The following GALNT14 variants were observed in gnomAD, a reference collection of about 807,000 sequenced individuals.
The protein encoded by GALNT14 is UDP-GalNAc:polypeptide N-acetylgalactosaminyltransferase 14.
Under a neutral mutation model 77.5 loss-of-function variants are expected in GALNT14, and 60 were observed. The observed-to-expected ratio is 0.77, with a 90% confidence interval of 0.63 to 0.96. GALNT14 has a LOEUF of 0.96. Ranked by LOEUF, GALNT14 falls within the 40% of genes least tolerant of loss-of-function variation. The pLI, the probability that GALNT14 is intolerant of heterozygous loss-of-function variation, is 0.00. For missense variants in GALNT14, 710 were observed against 731.0 expected, an observed-to-expected ratio of 0.97 and a Z score of 0.33; for synonymous variants, 280 against 281.7, an observed-to-expected ratio of 0.99 and a Z score of 0.06.
At chr2:30,895,739 G>A in the GALNT14 span, among the ~76,000 whole-genome samples, 1 of 151,970 alleles carries the variant, frequency 6.6e-6, no homozygotes, top group Non-Finnish European at 1.5e-5. Flanking sequence ...CAACCTCTGG[G>A]ATAGCAGCGA....
intron 1 of GALNT14, among the ~76,000 whole-genome samples, chr2:31,021,989 T>C (rs1671749313): frequency 6.6e-6 from 1 of 152,204 alleles, no homozygotes; most frequent in Non-Finnish European, 1.5e-5. Flanking sequence ...AGGAGGTAAG[T>C]TGTGTATGCA....
At chr2:31,115,805 C>A (rs371095677) in intron 1 of GALNT14, among the ~76,000 whole-genome samples, 7 of 152,100 alleles carry the variant, frequency 4.6e-5, no homozygotes, top group East Asian at 3.8e-4. Flanking sequence ...GCCTGTGAGG[C>A]AGGAGGATCA....
chr2:31,129,258 G>T, intron 1 of GALNT14: 1 of 543,480 alleles, frequency 1.8e-6, no homozygotes, highest in Non-Finnish European at 2.3e-6. Context: ...CAGAAAACGA[G>T]AATAATAATA....
chr2:30,962,047 C>T (rs537184406), intron 3 of GALNT14, among the ~76,000 whole-genome samples: 7 of 152,108 alleles, frequency 4.6e-5, no homozygotes, highest in African/African-American at 7.2e-5. Flanking sequence ...ATAAGCCCTC[C>T]GGGAGCTTCT....
At chr2:31,120,618 A>G (rs962805319) in intron 1 of GALNT14, among the ~76,000 whole-genome samples, 3 of 152,070 alleles carry the variant, frequency 2.0e-5, no homozygotes, top group African/African-American at 7.2e-5. Context: ...GTGCAGTGCC[A>G]CGATCTTGGC....
At chr2:31,004,736 T>G (rs1246269201) in intron 1 of GALNT14, among the ~76,000 whole-genome samples, 1 of 152,040 alleles carries the variant, frequency 6.6e-6, no homozygotes, top group Non-Finnish European at 1.5e-5. Context: ...AAAATAAGAT[T>G]TGGATTTATC....
chr2:30,907,117 A>G (rs1664164187), downstream of GALNT14, among the ~76,000 whole-genome samples: 1 of 152,242 alleles, frequency 6.6e-6, no homozygotes, highest in Non-Finnish European at 1.5e-5. Context: ...GGAAAGATCC[A>G]AAATTGACAC....
At chr2:30,994,126 G>A (rs1337342501) in intron 1 of GALNT14, among the ~76,000 whole-genome samples, 1 of 152,234 alleles carries the variant, frequency 6.6e-6, no homozygotes, top group Non-Finnish European at 1.5e-5. Flanking sequence ...AGAAAGTGCT[G>A]ATCAGGTTCT....
chr2:30,925,564 G>A (rs1178890721), intron 11 of GALNT14, among the ~76,000 whole-genome samples: 2 of 152,202 alleles, frequency 1.3e-5, no homozygotes, highest in African/African-American at 4.8e-5. Context: ...AGGCAGTGGG[G>A]AGAGCAAGAT....
the GALNT14 span, among the ~76,000 whole-genome samples, chr2:30,898,117 T>C: frequency 1.3e-5 from 2 of 152,240 alleles, no homozygotes; most frequent in East Asian, 3.9e-4. Flanking sequence ...GTGGGATTAG[T>C]GCCCTTATAA....
chr2:31,061,231 C>T lies in GALNT14; in HGVS notation c.130-68224G>A, dbSNP rs375888535. 1.6e-4 allele frequency among the ~76,000 whole-genome samples: 24 copies of T among 152,264 alleles called. No homozygotes were observed. In the East Asian group the frequency reaches 4.2e-3, roughly 27 times the overall value. ...CATAACCAAGGTGCTCATTCTCCACCCAACTCCAATTTCAACAGCAAGCAA... is the reference window on the plus strand; with the variant it reads ...CATAACCAAGGTGCTCATTCTCCACTCAACTCCAATTTCAACAGCAAGCAA... On this transcript the variant is annotated intron_variant, in intron 1 of 14. Transcript: ENST00000349752.
chr2:31,083,369 T>C (rs2148587134), intron 1 of GALNT14, among the ~76,000 whole-genome samples: 1 of 152,338 alleles, frequency 6.6e-6, no homozygotes, highest in East Asian at 1.9e-4. Context: ...GTCTGGCTTT[T>C]CCCTTCAAGG....
chr2:31,055,764 A>C (rs909552402), intron 1 of GALNT14, among the ~76,000 whole-genome samples: 4 of 152,186 alleles, frequency 2.6e-5, no homozygotes, highest in Non-Finnish European at 4.4e-5. Flanking sequence ...AGTGGGAGAA[A>C]GACCCTGCTA....
At chr2:30,992,181 C>T (rs577526153) in intron 2 of GALNT14, among the ~76,000 whole-genome samples, 14 of 152,212 alleles carry the variant, frequency 9.2e-5, no homozygotes, top group African/African-American at 2.6e-4. Context: ...AAGGGTCGGT[C>T]GTGAGGCAGA....
chr2:31,012,405 G>A (rs1671088509), intron 1 of GALNT14, among the ~76,000 whole-genome samples: 1 of 152,130 alleles, frequency 6.6e-6, no homozygotes, highest in Admixed American at 6.5e-5. Flanking sequence ...TGTTTATTGG[G>A]TCTCTTCCAC....
chr2:30,909,622 C>G (rs1253856000), downstream of GALNT14, among the ~76,000 whole-genome samples: 1 of 151,664 alleles, frequency 6.6e-6, no homozygotes, highest in African/African-American at 2.4e-5. Context: ...GGACTGTAAA[C>G]TAGTTCAACT....
chr2:31,088,940 A>G (rs1676593931), intron 1 of GALNT14, among the ~76,000 whole-genome samples: 1 of 152,212 alleles, frequency 6.6e-6, no homozygotes, highest in Admixed American at 6.5e-5. Flanking sequence ...GAAACAGCAG[A>G]TGCAGATACA....
chr2:30,926,393 G>C (rs1007560935), intron 11 of GALNT14, among the ~76,000 whole-genome samples: 2 of 152,202 alleles, frequency 1.3e-5, no homozygotes, highest in African/African-American at 4.8e-5. Context: ...TGAGGAGTAA[G>C]TTTAGGAGCG....
chr2:30,981,380 G>C (rs1198470851), intron 2 of GALNT14, among the ~76,000 whole-genome samples: 1 of 152,154 alleles, frequency 6.6e-6, no homozygotes, highest in Non-Finnish European at 1.5e-5. Context: ...CCTTCTACGT[G>C]ATGTGCCAAC....
Sources: allele counts gnomAD v4.1 joint callset (sites outside exome capture counted in the v4.1 genomes callset), GRCh38; gene constraint gnomAD v4.1.1; transcripts MANE v1.5; gene names NCBI Gene and HGNC (gene_info 2026-07-23, HGNC 2026-07-21).